Variants in PACRG observed in about 807,000 individuals in gnomAD.
PACRG encodes the protein parkin coregulated gene protein.
A neutral mutation model predicts 29.7 loss-of-function variants in PACRG; 29 were observed. That is an observed-to-expected ratio of 0.98 (90% confidence interval 0.73 to 1.33). The LOEUF (loss-of-function observed/expected upper bound fraction) is 1.33. PACRG is among the 40% of genes most tolerant of loss of function. PACRG has a pLI of 0.00. For missense variants in PACRG, 279 were observed against 316.2 expected, an observed-to-expected ratio of 0.88 and a Z score of 0.89; for synonymous variants, 116 against 118.7, an observed-to-expected ratio of 0.98 and a Z score of 0.15.
At chr6:163,161,080 AT>A (rs1441198058) in intron 4 of PACRG, among the ~76,000 whole-genome samples, 1 of 152,134 alleles carries the variant, frequency 6.6e-6, no homozygotes, top group African/African-American at 2.4e-5. Flanking sequence ...GCATTAGAAA[AT>A]GTGCTGCTCT....
intron 4 of PACRG, among the ~76,000 whole-genome samples, chr6:163,197,653 G>A (rs528666355): frequency 1.3e-5 from 2 of 151,704 alleles, no homozygotes; most frequent in South Asian, 2.1e-4. Context: ...GTTTCACCGT[G>A]TTAGCCAGGA....
chr6:162,773,530 C>T (rs1361429891), intron 1 of PACRG, among the ~76,000 whole-genome samples: 4 of 85,950 alleles, frequency 4.7e-5, no homozygotes, highest in Admixed American at 2.1e-4. Context: ...TTTTTTGAGA[C>T]GGAGTCTCGC....
chr6:162,987,804 A>G (rs770423465), intron 2 of PACRG, among the ~76,000 whole-genome samples: 2 of 152,174 alleles, frequency 1.3e-5, no homozygotes, highest in Non-Finnish European at 1.5e-5. Context: ...CCTTGTTTGT[A>G]GATATGTTTA....
intron 3 of PACRG, among the ~76,000 whole-genome samples, chr6:163,084,600 C>A (rs74751361): frequency 1.3e-5 from 2 of 152,064 alleles, no homozygotes; most frequent in African/African-American, 4.8e-5. Context: ...GATGCCATTA[C>A]GCGTTACAGT....
intron 4 of PACRG, among the ~76,000 whole-genome samples, chr6:163,256,373 A>G (rs533596420): frequency 2.0e-5 from 3 of 152,342 alleles, no homozygotes; most frequent in Admixed American, 6.5e-5. Flanking sequence ...TCACATCTGT[A>G]CTTACAGAGG....
At chr6:162,735,236 G>A (rs1204010017) in intron 1 of PACRG, among the ~76,000 whole-genome samples, 7 of 151,980 alleles carry the variant, frequency 4.6e-5, no homozygotes, top group South Asian at 2.1e-4. Context: ...AAGTATCTAC[G>A]CATGACCAAG....
intron 4 of PACRG, among the ~76,000 whole-genome samples, chr6:163,143,691 C>G (rs1183897147): frequency 6.6e-6 from 1 of 152,076 alleles, no homozygotes; most frequent in East Asian, 1.9e-4. Flanking sequence ...AAGGATAGCC[C>G]TATTTGGTCA....
At chr6:163,308,180 C>T (rs894387741) in intron 4 of PACRG, among the ~76,000 whole-genome samples, 2 of 152,076 alleles carry the variant, frequency 1.3e-5, no homozygotes, top group Admixed American at 6.5e-5. Context: ...TTTCTAAATT[C>T]GCAAACATTA....
intron 4 of PACRG, among the ~76,000 whole-genome samples, chr6:163,121,806 G>A (rs913000756): frequency 6.6e-6 from 1 of 151,642 alleles, no homozygotes; most frequent in African/African-American, 2.4e-5. Context: ...GGGACCACAG[G>A]TACCCGCCAC....
chr6:162,915,539 T>C lies in PACRG; in HGVS notation c.291+101258T>C, dbSNP rs527429413. Among the ~76,000 whole-genome samples the C allele has an allele frequency of 1.2e-4, 18 of 152,204 alleles. 2 individuals carry two copies. In the South Asian group the frequency reaches 3.7e-3, roughly 32 times the overall value. ...TACCTATTGTGATATTTTTATATAG[T>C]TGGATTTAGATCTGTCATTTTATTA... On this transcript the variant is annotated intron_variant, in intron 2 of 4. Coordinates refer to ENST00000366888, the MANE Select transcript of PACRG (RefSeq NM_001080379.2).
chr6:163,159,767 C>T (rs1323344842), intron 4 of PACRG, among the ~76,000 whole-genome samples: 1 of 152,148 alleles, frequency 6.6e-6, no homozygotes, highest in African/African-American at 2.4e-5. Flanking sequence ...TAAAGGAATA[C>T]CTCCCACAAA....
At chr6:162,821,669 A>G (rs759500079) in intron 2 of PACRG, among the ~76,000 whole-genome samples, 6 of 152,146 alleles carry the variant, frequency 3.9e-5, no homozygotes, top group Admixed American at 2.0e-4. Flanking sequence ...TCTAATTTTT[A>G]AACACAAAAT....
chr6:163,114,361 A>T (rs900554887), intron 4 of PACRG, among the ~76,000 whole-genome samples: 1 of 152,230 alleles, frequency 6.6e-6, no homozygotes, highest in East Asian at 1.9e-4. Flanking sequence ...TTGGAGTCTT[A>T]TAACATTAGG....
At chr6:163,234,080 G>C (rs1451763652) in intron 4 of PACRG, among the ~76,000 whole-genome samples, 1 of 152,170 alleles carries the variant, frequency 6.6e-6, no homozygotes, top group African/African-American at 2.4e-5. Context: ...TAATGATGGA[G>C]ATGGTCCATA....
chr6:163,102,005 G>A (rs1198481480), intron 4 of PACRG, among the ~76,000 whole-genome samples: 2 of 152,160 alleles, frequency 1.3e-5, no homozygotes, highest in Non-Finnish European at 2.9e-5. Context: ...CAGACACTAT[G>A]CGGCCACACA....
intron 2 of PACRG, among the ~76,000 whole-genome samples, chr6:162,968,232 A>T (rs939402170): frequency 6.6e-6 from 1 of 152,232 alleles, no homozygotes; most frequent in Non-Finnish European, 1.5e-5. Flanking sequence ...ACTCCAGGTT[A>T]TTATGAAAGT....
intron 2 of PACRG, among the ~76,000 whole-genome samples, chr6:162,882,011 C>G (rs1793916298): frequency 6.9e-6 from 1 of 143,966 alleles, no homozygotes. Context: ...GCACTCTCCA[C>G]CAAGAACAGA....
At chr6:162,909,009 G>T (rs1236791226) in intron 2 of PACRG, among the ~76,000 whole-genome samples, 1 of 152,092 alleles carries the variant, frequency 6.6e-6, no homozygotes, top group Admixed American at 6.5e-5. Flanking sequence ...CTCTCAAGAG[G>T]GCAAGATGCA....
intron 2 of PACRG, among the ~76,000 whole-genome samples, chr6:162,873,612 G>T (rs1793015073): frequency 6.6e-6 from 1 of 152,120 alleles, no homozygotes; most frequent in Non-Finnish European, 1.5e-5. Flanking sequence ...CATGAAACCA[G>T]CAATGAAGCA....
Sources: gnomAD v4.1 joint callset for allele counts (sites outside exome capture counted in the v4.1 genomes callset) on GRCh38, gnomAD v4.1.1 for gene constraint, MANE v1.5 for transcripts, NCBI Gene and HGNC (gene_info 2026-07-23, HGNC 2026-07-21) for gene names.